Variants in MYH9 observed in about 807,000 individuals in gnomAD.
MYH9 encodes myosin heavy chain 9.
A neutral mutation model predicts 241.9 loss-of-function variants in MYH9; 29 were observed. That is an observed-to-expected ratio of 0.12 (90% confidence interval 0.09 to 0.16). The LOEUF (loss-of-function observed/expected upper bound fraction) is 0.16, where lower values mean the gene tolerates loss of function less well. Ranked by LOEUF, MYH9 falls within the 10% of genes least tolerant of loss-of-function variation. The probability of loss-of-function intolerance (pLI) is 1.00; values close to 1 mark genes in which losing one functional copy is unlikely to be tolerated. For synonymous variants in MYH9, 1,047 were observed against 1,062.6 expected (o/e 0.99, Z 0.29); for missense variants, 1,803 against 2,595.5 (o/e 0.69, Z 6.63).
At chr22:36,357,316 G>A (rs763773065) in intron 1 of MYH9, among the ~76,000 whole-genome samples, 3 of 152,206 alleles carry the variant, frequency 2.0e-5, no homozygotes, top group Non-Finnish European at 4.4e-5. Context: ...ATCCCGGGCC[G>A]AGGGAGAAAA....
chr22:36,340,313 T>G (rs1235285497), intron 3 of MYH9, among the ~76,000 whole-genome samples: 1 of 151,950 alleles, frequency 6.6e-6, no homozygotes, highest in Non-Finnish European at 1.5e-5. Context: ...TTGATCACAT[T>G]TACATCCCAG....
chr22:36,303,763 C>T (rs1239206037), intron 19 of MYH9, among the ~76,000 whole-genome samples: 1 of 133,354 alleles, frequency 7.5e-6, no homozygotes, highest in African/African-American at 2.9e-5. Flanking sequence ...CCAGCCTGGG[C>T]GACAGAGTGA....
At chr22:36,366,139 G>A (rs973868255) in intron 1 of MYH9, among the ~76,000 whole-genome samples, 2 of 152,130 alleles carry the variant, frequency 1.3e-5, no homozygotes, top group Non-Finnish European at 2.9e-5. Context: ...AGTGAGCCAA[G>A]ATCCTGCCAC....
At chr22:36,381,429 A>C (rs1436039061) in intron 1 of MYH9, among the ~76,000 whole-genome samples, 2 of 151,854 alleles carry the variant, frequency 1.3e-5, no homozygotes, top group Non-Finnish European at 2.9e-5. Context: ...AGGCAGGAGA[A>C]TCACATGAAC....
rs760249330 is a variant in MYH9 at position 36,288,246 on chromosome 22, C to A, written c.4932+6G>T. ...CCACCCTCACCTGGGCCCCGCCCAC[C>A]CTTACCTGCAGCTTCCGCAGCTGTT... On this transcript the variant is annotated splice_donor_region_variant and intron_variant, in intron 34 of 40. Coordinates refer to ENST00000216181, the MANE Select transcript of MYH9 (RefSeq NM_002473.6). This position sits in a 1 kb window ranked among gnomAD's most constrained non-coding sequence, Gnocchi z 4.8. The A allele has an allele frequency of 3.1e-6, 5 of 1,613,674 alleles. No individual in the cohort carries two copies. The highest frequency in any genetic ancestry group is 2.7e-5 in the African/African-American group (2 of 74,940).
rs142462455 is a variant in MYH9 at position 36,337,985 on chromosome 22, G to C, written c.490+3385C>G. ...CAGGTCAGCTATATACAAAAAGAAG[G>C]AACTTTCTTTTCTTTTTTTTTTTTT... On this transcript the variant is annotated intron_variant, in intron 3 of 40. Coordinates refer to ENST00000216181, the MANE Select transcript of MYH9 (RefSeq NM_002473.6). Among the ~76,000 whole-genome samples, 282 of 151,770 alleles carry C rather than the reference G, an allele frequency of 1.9e-3. 1 individual carries two copies. Among genetic ancestry groups the C allele is most frequent in the African/African-American group, 6.6e-3 (273 of 41,308 alleles).
At chr22:36,308,294 G>T (rs2017004056) in intron 15 of MYH9, among the ~76,000 whole-genome samples, 1 of 151,088 alleles carries the variant, frequency 6.6e-6, no homozygotes, top group East Asian at 1.9e-4. Context: ...TTGAGGCAGG[G>T]TCTCACCCTG....
intron 2 of MYH9, among the ~76,000 whole-genome samples, chr22:36,348,162 A>G (rs2017708278): frequency 6.7e-6 from 1 of 149,446 alleles, no homozygotes; most frequent in African/African-American, 2.4e-5. Flanking sequence ...TATTTAAAAA[A>G]TAAAATGTTA....
intron 1 of MYH9, among the ~76,000 whole-genome samples, chr22:36,385,074 G>A (rs117227385): frequency 0.013 from 1,975 of 152,040 alleles, 99 homozygotes; most frequent in Admixed American, 0.081. Context: ...AAATTAGGAC[G>A]TTTGTTTAAT....
At position 36,294,039 on chromosome 22, in the gene MYH9, A is replaced by G. The variant is rs1246449403; in HGVS notation, c.3837+53T>C. On this transcript the variant is annotated intron_variant, in intron 28 of 40. Coordinates refer to ENST00000216181, the MANE Select transcript of MYH9 (RefSeq NM_002473.6). ...ACACATGCACCTGGGGACCTGGGCC[A>G]CAACTGCTGCTAGGGCCCACTGCCC... The G allele has an allele frequency of 5.7e-6, 9 of 1,590,526 alleles. No individual in the cohort carries two copies. In the African/African-American group the frequency reaches 1.2e-4, roughly 21 times the overall value.
At chr22:36,357,309 C>G (rs531836600) in intron 1 of MYH9, among the ~76,000 whole-genome samples, 1 of 152,066 alleles carries the variant, frequency 6.6e-6, no homozygotes, top group Non-Finnish European at 1.5e-5. Flanking sequence ...GAAAGGTATC[C>G]CGGGCCGAGG....
At chr22:36,319,934 G>A (rs551112113) in intron 9 of MYH9, 36 of 605,886 alleles carry the variant, frequency 5.9e-5, no homozygotes, top group South Asian at 2.3e-4. Flanking sequence ...GAGACAGGAC[G>A]TGAATATTCT....
intron 31 of MYH9, among the ~76,000 whole-genome samples, chr22:36,290,433 TG>T (rs1298892276): frequency 6.6e-6 from 1 of 151,534 alleles, no homozygotes; most frequent in Non-Finnish European, 1.5e-5. Context: ...ATAATTAAAG[TG>T]ATTTTAACTC....
At chr22:36,372,306 A>G (rs572937190) in intron 1 of MYH9, among the ~76,000 whole-genome samples, 1 of 152,162 alleles carries the variant, frequency 6.6e-6, no homozygotes, top group Admixed American at 6.6e-5. Flanking sequence ...TGGGTAACAT[A>G]GCAAGATCCC....
In MYH9 at chr22:36,305,199, A is replaced by T. The variant is rs2016949347; in HGVS notation, c.2160-97T>A. On this transcript the variant is annotated intron_variant, in intron 17 of 40. Transcript: ENST00000216181. The surrounding 1 kb of genome is among the most constrained non-coding windows in gnomAD (Gnocchi z 4.7). ...AGATTAACATCATTTCTACAATGCA[A>T]CAGACACAGAATTCTTTACACAAAC... is the stretch of plus-strand genomic sequence containing the variant. The T allele has an allele frequency of 9.3e-7, 1 of 1,070,240 alleles. No individual in the cohort carries two copies. The highest frequency in any genetic ancestry group is 1.3e-5 in the South Asian group (1 of 77,438). The allele number at this position is 1,070,240 out of a possible 1,614,324, so 66.3% of individuals were successfully genotyped here.
Position 36,282,582 on chromosome 22 carries a change from G to C in MYH9, c.*86C>G, listed in dbSNP as rs1358352872. Reference sequence around the variant, plus strand: ...GGCATGTTCACAGCAGTCCCAAGAAGGTGGGGAGAGGCGTGCTGCGGGGTC... The same window carrying C: ...GGCATGTTCACAGCAGTCCCAAGAACGTGGGGAGAGGCGTGCTGCGGGGTC... On this transcript the variant is annotated 3_prime_UTR_variant, in exon 41 of 41. Transcript: ENST00000216181. The C allele has an allele frequency of 1.6e-6, 2 of 1,215,208 alleles. No homozygotes were observed. The highest frequency in any genetic ancestry group is 3.0e-5 in the African/African-American group (2 of 67,132). 75.3% of individuals were successfully genotyped at this position (1,215,208 alleles called of 1,614,324 possible). A position where few individuals can be genotyped will look rare whatever the true frequency, so the allele number is the denominator to read the frequency against.
chr22:36,387,391 TGCGTCCCAGGG>T (rs1432356723), intron 1 of MYH9, among the ~76,000 whole-genome samples: 1 of 152,178 alleles, frequency 6.6e-6, no homozygotes, highest in Non-Finnish European at 1.5e-5. Context: ...CCCGTGAGGC[TGCGTCCCAGGG>T]GCCGCGGCTC....
At chr22:36,343,910 G>A (rs1047926810) in intron 2 of MYH9, among the ~76,000 whole-genome samples, 3 of 152,316 alleles carry the variant, frequency 2.0e-5, no homozygotes, top group African/African-American at 7.2e-5. Context: ...CACACTCTAG[G>A]AAATCCAGCC....
In MYH9 at chr22:36,293,962, T is replaced by A; in HGVS notation, c.3838-99A>T. 6.8e-7 allele frequency: 1 copy of A among 1,466,708 alleles called. No individual in the cohort carries two copies. Among genetic ancestry groups the A allele is most frequent in the Non-Finnish European group, 9.4e-7 (1 of 1,066,614 alleles). The allele number at this position is 1,466,708 out of a possible 1,614,324, so 90.9% of individuals were successfully genotyped here. A position where few individuals can be genotyped will look rare whatever the true frequency, so the allele number is the denominator to read the frequency against. ...GTAAAGCTGGACCTGAGTCACAAGC[T>A]GAACCATGAGGGTCTGAGGAGCCAG... On this transcript the variant is annotated intron_variant, in intron 28 of 40. Transcript: ENST00000216181. This position sits in a 1 kb window ranked among gnomAD's most constrained non-coding sequence, Gnocchi z 5.1.
Sources: allele counts gnomAD v4.1 joint callset (sites outside exome capture counted in the v4.1 genomes callset), GRCh38; gene constraint gnomAD v4.1.1; non-coding constraint Gnocchi (gnomAD v3.1); transcripts MANE v1.5; gene names NCBI Gene and HGNC (gene_info 2026-07-23, HGNC 2026-07-21).